Variants in TAF13 observed in about 807,000 individuals in gnomAD.
TAF13 encodes TATA-box binding protein associated factor 13.
A neutral mutation model predicts 18.7 loss-of-function variants in TAF13; 9 were observed. The ratio of observed to expected loss-of-function variants is 0.48; its 90% confidence interval spans 0.29 to 0.84. The LOEUF is 0.84. Among genes scored for constraint, TAF13 ranks in the 40% least tolerant of loss-of-function variants. TAF13 has a pLI of 0.08. For missense variants in TAF13, 105 were observed against 146.5 expected, an observed-to-expected ratio of 0.72 and a Z score of 1.46; for synonymous variants, 49 against 44.1, an observed-to-expected ratio of 1.11 and a Z score of -0.44.
intron 2 of TAF13, among the ~76,000 whole-genome samples, chr1:109,067,278 C>G (rs148090820): frequency 5.7e-4 from 86 of 151,772 alleles, no homozygotes; most frequent in Middle Eastern, 3.4e-3. Context: ...GGCAACATGG[C>G]GAAACCCTGT....
intron 2 of TAF13, among the ~76,000 whole-genome samples, chr1:109,073,934 C>T (rs1474639504): frequency 3.3e-5 from 5 of 151,440 alleles, no homozygotes; most frequent in South Asian, 2.1e-4. Context: ...CACCGCTGCC[C>T]GGCCGCCACC....
At chr1:109,068,817 C>A (rs1663995944) in intron 2 of TAF13, among the ~76,000 whole-genome samples, 1 of 152,152 alleles carries the variant, frequency 6.6e-6, no homozygotes, top group Admixed American at 6.5e-5. Flanking sequence ...GCCTGACCAA[C>A]ATGGTGAAAC....
rs746539257 is a variant in TAF13, at chr1:109,064,639, C to T, written c.259G>A (p.Val87Ile). 7.0e-6 allele frequency: 11 copies of T among 1,571,618 alleles called. No individual in the cohort carries two copies. The highest frequency in any genetic ancestry group is 2.4e-5 in the South Asian group (2 of 83,730). The change falls in exon 4 of 4, where the codon GTC becomes ATC. Residue 87 changes from valine (V) to isoleucine (I), a missense_variant. Val to Ile is a conservative substitution (Grantham distance 29). Transcript: ENST00000338366. Reference protein sequence around the residue: ...RQGRVQVEDIVFLIRKDPRKF... With the variant: ...RQGRVQVEDIIFLIRKDPRKF... Reference sequence around the variant, plus strand: ...CTTGGGTCCTTTCGAATCAAGAAGACGATATCTTCAACTTGTACTCGACCT... The same window carrying T: ...CTTGGGTCCTTTCGAATCAAGAAGATGATATCTTCAACTTGTACTCGACCT...
intron 2 of TAF13, among the ~76,000 whole-genome samples, chr1:109,070,691 G>T (rs1664033361): frequency 6.6e-6 from 1 of 151,230 alleles, no homozygotes; most frequent in African/African-American, 2.4e-5. Flanking sequence ...ACCGTACCCA[G>T]TCCCCCCCAA....
At chr1:109,069,809 C>T (rs575812078) in intron 2 of TAF13, among the ~76,000 whole-genome samples, 2 of 151,916 alleles carry the variant, frequency 1.3e-5, no homozygotes, top group Non-Finnish European at 2.9e-5. Flanking sequence ...AGACATATCC[C>T]TAGGGTTTTA....
intron 2 of TAF13, among the ~76,000 whole-genome samples, chr1:109,067,289 C>T (rs1445668097): frequency 6.6e-6 from 1 of 151,828 alleles, no homozygotes; most frequent in Non-Finnish European, 1.5e-5. Context: ...GAAACCCTGT[C>T]TCTACATAAA....
At chr1:109,067,916 G>A (rs752185621) in intron 2 of TAF13, among the ~76,000 whole-genome samples, 1 of 152,178 alleles carries the variant, frequency 6.6e-6, no homozygotes, top group Admixed American at 6.6e-5. Flanking sequence ...TCTGGTTCGC[G>A]TCTTTACTCA....
intron 2 of TAF13, among the ~76,000 whole-genome samples, chr1:109,067,145 G>T (rs1488686561): frequency 6.6e-6 from 1 of 152,144 alleles, no homozygotes; most frequent in African/African-American, 2.4e-5. Flanking sequence ...TTCATCTGAA[G>T]AAACCATAGG....
intron 2 of TAF13, among the ~76,000 whole-genome samples, chr1:109,069,862 C>A (rs28553535): frequency 0.067 from 10,258 of 152,030 alleles, 379 homozygotes; most frequent in Middle Eastern, 0.16. Context: ...AGTAAAAAAA[C>A]AAACACAGGA....
At chr1:109,065,292 C>A (rs568440579) in intron 3 of TAF13, among the ~76,000 whole-genome samples, 2 of 152,104 alleles carry the variant, frequency 1.3e-5, no homozygotes, top group African/African-American at 4.8e-5. Context: ...AGTTCAAGAC[C>A]AACCTGGGCA....
chr1:109,072,021 CAT>C (rs1169146864), intron 2 of TAF13, among the ~76,000 whole-genome samples: 48 of 4,672 alleles, frequency 0.01, 4 homozygotes, highest in African/African-American at 0.034. Context: ...TATACACACA[CAT>C]ATATATATAT....
intron 2 of TAF13, among the ~76,000 whole-genome samples, chr1:109,068,338 A>G (rs868077618): frequency 1.3e-5 from 2 of 152,046 alleles, no homozygotes; most frequent in South Asian, 2.1e-4. Flanking sequence ...GGGTTTTGCC[A>G]CGTTGCCCAG....
At chr1:109,065,220 G>A (rs914067330) in intron 3 of TAF13, among the ~76,000 whole-genome samples, 1 of 152,204 alleles carries the variant, frequency 6.6e-6, no homozygotes, top group Non-Finnish European at 1.5e-5. Flanking sequence ...GCCAGACACA[G>A]TGGCTCATGC....
intron 2 of TAF13, among the ~76,000 whole-genome samples, chr1:109,070,200 C>G (rs1307772340): frequency 6.6e-6 from 1 of 151,860 alleles, no homozygotes; most frequent in African/African-American, 2.4e-5. Flanking sequence ...TTTCATCTTT[C>G]AAAACCTTGA....
intron 2 of TAF13, among the ~76,000 whole-genome samples, chr1:109,070,074 G>A (rs925489523): frequency 1.3e-5 from 2 of 152,182 alleles, no homozygotes; most frequent in Admixed American, 6.5e-5. Context: ...TACAGGTACA[G>A]ACTTCATTCA....
chr1:109,072,943 G>A (rs936964045), intron 2 of TAF13, among the ~76,000 whole-genome samples: 2 of 151,692 alleles, frequency 1.3e-5, no homozygotes, highest in Admixed American at 1.3e-4. Flanking sequence ...ATGTTGGCCA[G>A]GCTGGTCTCG....
At position 109,075,981 on chromosome 1, in the gene TAF13, G is replaced by A; in HGVS notation, c.-34C>T. On this transcript the variant is annotated 5_prime_UTR_variant, in exon 1 of 4. Coordinates refer to ENST00000338366, the MANE Select transcript of TAF13 (RefSeq NM_005645.4). ...CACGCCAACTCACAGCGTCCTGCCG[G>A]CTGGCTCCCAGCTGGTTACACTACT... The A allele has an allele frequency of 1.2e-6, 2 of 1,614,146 alleles. No individual in the cohort carries two copies. The highest frequency in any genetic ancestry group is 1.7e-6 in the Non-Finnish European group (2 of 1,180,042).
At position 109,071,991 on chromosome 1, in the gene TAF13, T is replaced by A. The variant is rs1195940818; in HGVS notation, c.106+2996A>T. ...ATATATATATACACACATATATATA[T>A]ATATATATATATATATATATATACA... On this transcript the variant is annotated intron_variant, in intron 2 of 3. Coordinates refer to ENST00000338366, the MANE Select transcript of TAF13 (RefSeq NM_005645.4). Among the ~76,000 whole-genome samples, 26 of 2,598 alleles carry A rather than the reference T, an allele frequency of 0.01. 6 individuals are homozygous for A. The South Asian group carries it at 0.14, about 14-fold the overall frequency. The allele number at this position is 2,598 out of a possible 152,430, so 1.7% of individuals were successfully genotyped here.
At chr1:109,074,766 C>T (rs1340375072) in intron 2 of TAF13, among the ~76,000 whole-genome samples, 11 of 146,306 alleles carry the variant, frequency 7.5e-5, no homozygotes, top group Non-Finnish European at 1.5e-4. Context: ...GGCGACAGAG[C>T]GAGACTCCGT....
Sources: gnomAD v4.1 joint callset for allele counts (sites outside exome capture counted in the v4.1 genomes callset) on GRCh38, gnomAD v4.1.1 for gene constraint, MANE v1.5 for transcripts, NCBI Gene and HGNC (gene_info 2026-07-23, HGNC 2026-07-21) for gene names.